The following SHTN1 variants were observed in gnomAD, a reference collection of about 807,000 sequenced individuals.
SHTN1 encodes the protein shootin 1.
Under a neutral mutation model 83.1 loss-of-function variants are expected in SHTN1, and 42 were observed. The observed-to-expected ratio is 0.51, with a 90% CI of 0.39 to 0.65. The LOEUF (loss-of-function observed/expected upper bound fraction) is 0.65, where lower values mean the gene tolerates loss of function less well. SHTN1 is among the 30% of genes least tolerant of loss of function. The pLI, the probability that SHTN1 is intolerant of heterozygous loss-of-function variation, is 0.00. For synonymous variants in SHTN1, 224 were observed against 247.7 expected (o/e 0.90, Z 0.90); for missense variants, 622 against 737.8 (o/e 0.84, Z 1.82).
chr10:117,061,290 G>A (rs900063904), intron 1 of SHTN1, among the ~76,000 whole-genome samples: 2 of 151,334 alleles, frequency 1.3e-5, no homozygotes, highest in East Asian at 1.9e-4. Context: ...GGGATTACAC[G>A]CGTTCAAGCG....
At chr10:117,079,047 TTTA>T (rs1294190035) in intron 1 of SHTN1, among the ~76,000 whole-genome samples, 1 of 152,122 alleles carries the variant, frequency 6.6e-6, no homozygotes, top group Non-Finnish European at 1.5e-5. Flanking sequence ...TATTTATTTT[TTTA>T]TTATTATAAG....
At chr10:117,004,171 G>A (rs1851923403) in intron 1 of SHTN1, among the ~76,000 whole-genome samples, 1 of 152,160 alleles carries the variant, frequency 6.6e-6, no homozygotes, top group South Asian at 2.1e-4. Flanking sequence ...ACAGGCGTGA[G>A]CCACCGCACC....
chr10:116,918,283 G>C (rs998282275), intron 12 of SHTN1, among the ~76,000 whole-genome samples: 1 of 151,260 alleles, frequency 6.6e-6, no homozygotes, highest in African/African-American at 2.4e-5. Context: ...AATTAATTGG[G>C]GCTTAAATTT....
At chr10:117,020,091 A>G (rs994705609) in intron 2 of SHTN1, among the ~76,000 whole-genome samples, 2 of 152,202 alleles carry the variant, frequency 1.3e-5, no homozygotes, top group African/African-American at 2.4e-5. Context: ...AAATCTTGAA[A>G]CAAAAGAATA....
chr10:117,005,484 C>T (rs1337674062), upstream of SHTN1: 15 of 1,024,216 alleles, frequency 1.5e-5, no homozygotes, highest in South Asian at 3.8e-5. Context: ...TCAGAGAAAA[C>T]CGGCTGTGGG....
At chr10:117,054,747 T>C (rs1270665035) in intron 1 of SHTN1, among the ~76,000 whole-genome samples, 1 of 152,048 alleles carries the variant, frequency 6.6e-6, no homozygotes, top group East Asian at 1.9e-4. Flanking sequence ...TCTGCTGACT[T>C]CAAGGTATAG....
At chr10:116,902,608 T>A (rs753948437) in intron 15 of SHTN1, among the ~76,000 whole-genome samples, 4 of 152,320 alleles carry the variant, frequency 2.6e-5, no homozygotes, top group African/African-American at 9.6e-5. Flanking sequence ...GGCATATCAA[T>A]CTAAAAATTC....
chr10:116,919,224 TCAA>T (rs1229087158), intron 12 of SHTN1, among the ~76,000 whole-genome samples: 1 of 152,234 alleles, frequency 6.6e-6, no homozygotes, highest in Non-Finnish European at 1.5e-5. Flanking sequence ...ATTTGTTCAC[TCAA>T]CAACTATTTT....
intron 1 of SHTN1, among the ~76,000 whole-genome samples, chr10:117,117,843 G>A (rs1236841373): frequency 3.3e-5 from 5 of 151,952 alleles, no homozygotes; most frequent in Admixed American, 6.6e-5. Context: ...AACCATATGC[G>A]GCCAAATGAA....
chr10:116,977,185 A>G (rs1046060472), intron 2 of SHTN1, among the ~76,000 whole-genome samples: 4 of 152,226 alleles, frequency 2.6e-5, no homozygotes, highest in Admixed American at 2.6e-4. Context: ...CTAGGTCTAC[A>G]TGTAAGCAAG....
chr10:117,021,981 G>A (rs1413722733), intron 2 of SHTN1, among the ~76,000 whole-genome samples: 1 of 152,052 alleles, frequency 6.6e-6, no homozygotes, highest in African/African-American at 2.4e-5. Context: ...CCATAATGTG[G>A]GTAGAACCTC....
chr10:116,989,413 A>G (rs376844142), intron 1 of SHTN1, among the ~76,000 whole-genome samples: 1 of 152,194 alleles, frequency 6.6e-6, no homozygotes, highest in Non-Finnish European at 1.5e-5. Context: ...AAAAAACAGA[A>G]TATTTCTCCT....
intron 2 of SHTN1, among the ~76,000 whole-genome samples, chr10:116,970,441 C>G (rs1163943418): frequency 6.6e-6 from 1 of 152,154 alleles, no homozygotes; most frequent in Non-Finnish European, 1.5e-5. Flanking sequence ...GTTGGCCGGG[C>G]ACGGTGGCTC....
intron 1 of SHTN1, among the ~76,000 whole-genome samples, chr10:116,984,362 A>G (rs1851153282): frequency 6.6e-6 from 1 of 152,372 alleles, no homozygotes; most frequent in Middle Eastern, 3.4e-3. Context: ...AGTTAGTGCC[A>G]TAATGAACAA....
In SHTN1 at chr10:116,940,582, G is replaced by C; in HGVS notation, c.742C>G (p.Gln248Glu). 1.2e-6 allele frequency: 2 copies of C among 1,611,104 alleles called. No homozygotes were observed. Among genetic ancestry groups the C allele is most frequent in the South Asian group, 1.1e-5 (1 of 90,630 alleles). The change falls in exon 9 of 17, where the codon CAA (glutamine) becomes GAA (glutamate). Residue 248 changes from glutamine to glutamate, a missense_variant. Physicochemically the swap from Gln to Glu is conservative, Grantham distance 29. Transcript: ENST00000355371. Reference protein sequence around the residue: ...MFIEQNKLKRQSHLLLQSSIP... With the variant: ...MFIEQNKLKRESHLLLQSSIP... ...GAGCTCTGCAGCAGAAGGTGGCTTT[G>C]TCTCTTTAGCTTGTTTTGCTCAATG...
chr10:116,971,920 A>T (rs1468543265), intron 2 of SHTN1, among the ~76,000 whole-genome samples: 2 of 152,172 alleles, frequency 1.3e-5, no homozygotes, highest in Non-Finnish European at 2.9e-5. Context: ...GTTTTTAGTG[A>T]GACTTTGGAT....
chr10:117,023,264 A>G (rs1381258640), intron 2 of SHTN1, among the ~76,000 whole-genome samples: 2 of 152,244 alleles, frequency 1.3e-5, no homozygotes, highest in African/African-American at 4.8e-5. Flanking sequence ...AAATGTATCT[A>G]GAAATCTGTC....
chr10:116,903,506 C>T (rs1371769282), intron 15 of SHTN1, among the ~76,000 whole-genome samples: 1 of 151,448 alleles, frequency 6.6e-6, no homozygotes, highest in Non-Finnish European at 1.5e-5. Flanking sequence ...GCCTGGGCGA[C>T]AAGAGAGACT....
chr10:117,121,613 T>C (rs1853928983), intron 1 of SHTN1, among the ~76,000 whole-genome samples: 1 of 152,006 alleles, frequency 6.6e-6, no homozygotes, highest in Non-Finnish European at 1.5e-5. Context: ...ACATGTTTTA[T>C]ATACAGTCAT....
Sources: allele counts gnomAD v4.1 joint callset (sites outside exome capture counted in the v4.1 genomes callset), GRCh38; gene constraint gnomAD v4.1.1; transcripts MANE v1.5; gene names NCBI Gene and HGNC (gene_info 2026-07-23, HGNC 2026-07-21).